The following CDH10 variants were observed in gnomAD, a reference collection of about 807,000 sequenced individuals.
The protein encoded by CDH10 is cadherin-10.
A neutral mutation model predicts 73.1 loss-of-function variants in CDH10; 30 were observed. That is an observed-to-expected ratio of 0.41 (90% CI 0.31 to 0.56). The LOEUF (loss-of-function observed/expected upper bound fraction) is 0.56. Among genes scored for constraint, CDH10 ranks in the 20% least tolerant of loss-of-function variants. The pLI is 0.27. For synonymous variants in CDH10, 345 were observed against 348.2 expected (o/e 0.99, Z 0.10); for missense variants, 815 against 973.7 (o/e 0.84, Z 2.17).
At chr5:24,559,798 C>T (rs762229910) in intron 2 of CDH10, among the ~76,000 whole-genome samples, 5 of 151,992 alleles carry the variant, frequency 3.3e-5, no homozygotes, top group Non-Finnish European at 5.9e-5. Context: ...ATCAAAAATG[C>T]GAAGTGAACA....
intron 1 of CDH10, among the ~76,000 whole-genome samples, chr5:24,626,669 G>A (rs931500718): frequency 5.3e-5 from 8 of 151,584 alleles, no homozygotes; most frequent in Non-Finnish European, 8.8e-5. Flanking sequence ...CCAGCTACTC[G>A]GGAGACTGAG....
chr5:24,591,224 G>A (rs1470758834), intron 2 of CDH10, among the ~76,000 whole-genome samples: 1 of 151,898 alleles, frequency 6.6e-6, no homozygotes. Flanking sequence ...TAATACAATA[G>A]TATAGTATAG....
At chr5:24,495,540 C>CT (rs1742240792) in intron 9 of CDH10, among the ~76,000 whole-genome samples, 1 of 151,964 alleles carries the variant, frequency 6.6e-6, no homozygotes, top group Non-Finnish European at 1.5e-5. Context: ...AGAACATTTC[C>CT]TTTGTGCTAG....
At chr5:24,561,973 C>G (rs986737037) in intron 2 of CDH10, among the ~76,000 whole-genome samples, 1 of 150,288 alleles carries the variant, frequency 6.7e-6, no homozygotes, top group African/African-American at 2.5e-5. Flanking sequence ...AGAATTTAGT[C>G]AAATTTGATT....
chr5:24,644,317 T>C (rs1265439904), intron 1 of CDH10, among the ~76,000 whole-genome samples: 1 of 152,198 alleles, frequency 6.6e-6, no homozygotes, highest in Non-Finnish European at 1.5e-5. Flanking sequence ...TCCAAGTGAA[T>C]GAATTCACAA....
At chr5:24,514,868 G>C (rs1392251638) in intron 5 of CDH10, among the ~76,000 whole-genome samples, 4 of 120,708 alleles carry the variant, frequency 3.3e-5, no homozygotes, top group Non-Finnish European at 7.5e-5. Flanking sequence ...TATATGGATG[G>C]TTAGATTGAG....
chr5:24,619,228 C>G (rs370517403), intron 1 of CDH10, among the ~76,000 whole-genome samples: 5 of 151,928 alleles, frequency 3.3e-5, no homozygotes, highest in African/African-American at 1.2e-4. Context: ...TAGTCTCACT[C>G]TGCCACCCAG....
intron 5 of CDH10, among the ~76,000 whole-genome samples, chr5:24,527,491 A>G (rs1380422189): frequency 6.6e-6 from 1 of 151,704 alleles, no homozygotes; most frequent in Non-Finnish European, 1.5e-5. Flanking sequence ...GCATTGTTAG[A>G]TAATTTTGTT....
At chr5:24,491,890 C>T (rs1742067459) in intron 10 of CDH10, 63 bp from the exon 11 acceptor site, 9 of 1,002,806 alleles carry the variant, frequency 9.0e-6, no homozygotes, top group Non-Finnish European at 1.3e-5. Flanking sequence ...AATGTGATCA[C>T]CAAGGTTTAA....
intron 2 of CDH10, among the ~76,000 whole-genome samples, chr5:24,563,576 AC>A (rs1484603058): frequency 7.9e-6 from 1 of 126,094 alleles, no homozygotes; most frequent in Non-Finnish European, 1.6e-5. Flanking sequence ...ACACGGTGAA[AC>A]CCCGTCTCTA....
At chr5:24,509,401 G>A (rs897116451) in intron 7 of CDH10, among the ~76,000 whole-genome samples, 165 bp downstream of exon 7, 4 of 151,398 alleles carry the variant, frequency 2.6e-5, no homozygotes, top group African/African-American at 4.9e-5. Flanking sequence ...CACCAAGACC[G>A]GCTAATTTTT....
At chr5:24,520,776 G>A (rs1159536229) in intron 5 of CDH10, among the ~76,000 whole-genome samples, 2 of 151,958 alleles carry the variant, frequency 1.3e-5, no homozygotes, top group African/African-American at 4.8e-5. Context: ...ATCCAGGCTG[G>A]AGTGCAGTGG....
intron 2 of CDH10, among the ~76,000 whole-genome samples, chr5:24,589,082 G>C (rs1561183094): frequency 6.6e-6 from 1 of 152,146 alleles, no homozygotes; most frequent in Non-Finnish European, 1.5e-5. Context: ...CTGTCTTTGA[G>C]CAGAGAGCTT....
chr5:24,614,904 G>C (rs1033837221), intron 1 of CDH10, among the ~76,000 whole-genome samples: 1 of 152,144 alleles, frequency 6.6e-6, no homozygotes, highest in African/African-American at 2.4e-5. Context: ...CTATTGGTCA[G>C]AGCAGTAGCA....
chr5:24,554,378 T>A (rs974284271), intron 2 of CDH10, among the ~76,000 whole-genome samples: 3 of 151,140 alleles, frequency 2.0e-5, no homozygotes, highest in African/African-American at 7.3e-5. Context: ...TTACATTGCA[T>A]AATATCTTAC....
intron 2 of CDH10, among the ~76,000 whole-genome samples, chr5:24,581,705 T>G (rs1347500227): frequency 6.6e-6 from 1 of 152,114 alleles, no homozygotes. Context: ...CTTGAAAAAC[T>G]TCAATACGTG....
chr5:24,547,452 G>A (rs1744385017), intron 2 of CDH10, among the ~76,000 whole-genome samples: 1 of 152,064 alleles, frequency 6.6e-6, no homozygotes, highest in African/African-American at 2.4e-5. Context: ...GCTTGAAGGT[G>A]AGTATCTGTA....
intron 1 of CDH10, among the ~76,000 whole-genome samples, chr5:24,627,171 T>G (rs1346052227): frequency 6.6e-6 from 1 of 151,996 alleles, no homozygotes; most frequent in Non-Finnish European, 1.5e-5. Flanking sequence ...AAGGATGACA[T>G]GAAGTTCACT....
intron 1 of CDH10, among the ~76,000 whole-genome samples, chr5:24,603,843 A>G (rs1402492674): frequency 6.6e-6 from 1 of 152,166 alleles, no homozygotes; most frequent in African/African-American, 2.4e-5. Context: ...GCAAAGAAAA[A>G]AGAAATGGAA....
Sources: gnomAD v4.1 joint callset for allele counts (sites outside exome capture counted in the v4.1 genomes callset) on GRCh38, gnomAD v4.1.1 for gene constraint, MANE v1.5 for transcripts, NCBI Gene and HGNC (gene_info 2026-07-23, HGNC 2026-07-21) for gene names.